PDZD8: variants seen among roughly 807,000 people sequenced by gnomAD.
The protein encoded by PDZD8 is PDZ domain-containing protein 8.
Under a neutral mutation model 85.8 loss-of-function variants are expected in PDZD8, and 14 were observed. The observed-to-expected ratio is 0.16, with a 90% CI of 0.11 to 0.26. The LOEUF is 0.26. Ranked by LOEUF, PDZD8 falls within the 10% of genes least tolerant of loss-of-function variation. The pLI is 1.00. For missense variants in PDZD8, 1,197 were observed against 1,424.3 expected, an observed-to-expected ratio of 0.84 and a Z score of 2.57; for synonymous variants, 592 against 568.6, an observed-to-expected ratio of 1.04 and a Z score of -0.59.
chr10:117,319,829 A>G (rs1844199220), intron 2 of PDZD8, among the ~76,000 whole-genome samples: 1 of 152,142 alleles, frequency 6.6e-6, no homozygotes, highest in Non-Finnish European at 1.5e-5. Context: ...TTGTTTCAGG[A>G]GTAAGCTTGA....
intron 2 of PDZD8, among the ~76,000 whole-genome samples, chr10:117,323,147 C>T (rs1415937521): frequency 1.3e-5 from 2 of 152,114 alleles, no homozygotes; most frequent in Non-Finnish European, 2.9e-5. Flanking sequence ...AGAACAAGAT[C>T]GTTCATCTAA....
intron 1 of PDZD8, among the ~76,000 whole-genome samples, chr10:117,343,168 T>C (rs1262033304): frequency 6.6e-6 from 1 of 152,164 alleles, no homozygotes. Context: ...AATAAACACT[T>C]AGAAAATATC....
chr10:117,280,521 T>C lies in PDZD8; in HGVS notation c.*2747A>G, dbSNP rs1447195607. 1.3e-5 allele frequency: 2 copies of C among 152,206 alleles called. No homozygotes were observed. The highest frequency in any genetic ancestry group is 6.5e-5 in the Admixed American group (1 of 15,280). 9.4% of individuals were successfully genotyped at this position (152,206 alleles called of 1,614,324 possible). On this transcript the variant is annotated 3_prime_UTR_variant, in exon 5 of 5. Coordinates refer to ENST00000334464, the MANE Select transcript of PDZD8 (RefSeq NM_173791.5). ...TTTCTGTGGTAGTCTTTATTATTAT[T>C]TTTTAGCTATTGATACATAGCATGG... is the stretch of plus-strand genomic sequence containing the variant.
At chr10:117,301,583 T>C (rs1025269864) in intron 3 of PDZD8, among the ~76,000 whole-genome samples, 4 of 152,190 alleles carry the variant, frequency 2.6e-5, no homozygotes, top group African/African-American at 9.7e-5. Context: ...CAACTCTGGC[T>C]ATTTCGGTAA....
At chr10:117,358,418 T>C (rs922298010) in intron 1 of PDZD8, among the ~76,000 whole-genome samples, 1 of 151,922 alleles carries the variant, frequency 6.6e-6, no homozygotes, top group Non-Finnish European at 1.5e-5. Context: ...AAAACCACAA[T>C]TACTTTTGCA....
At position 117,280,959 on chromosome 10, in the gene PDZD8, T is replaced by C. The variant is rs2133753870; in HGVS notation, c.*2309A>G. On this transcript the variant is annotated 3_prime_UTR_variant, in exon 5 of 5. Coordinates refer to ENST00000334464, the MANE Select transcript of PDZD8 (RefSeq NM_173791.5). ...CTTCCAGGTTATCAATGGTAAGTTA[T>C]TTTTTATAAAGTGGTTACACACTGA... 1 of 152,358 alleles carries C rather than the reference T, an allele frequency of 6.6e-6. No homozygotes were observed. Among genetic ancestry groups the C allele is most frequent in the African/African-American group, 2.4e-5 (1 of 41,584 alleles). The allele number at this position is 152,358 out of a possible 1,614,324, so 9.4% of individuals were successfully genotyped here. A position where few individuals can be genotyped will look rare whatever the true frequency, so the allele number is the denominator to read the frequency against.
intron 1 of PDZD8, among the ~76,000 whole-genome samples, chr10:117,363,592 C>T (rs1171995243): frequency 6.6e-6 from 1 of 152,074 alleles, no homozygotes; most frequent in Non-Finnish European, 1.5e-5. Flanking sequence ...GGTAACTTAT[C>T]AATGACCCAA....
At chr10:117,351,210 CACCAAAAGGCAT>C (rs775138137) in intron 1 of PDZD8, among the ~76,000 whole-genome samples, 19 of 152,260 alleles carry the variant, frequency 1.2e-4, no homozygotes, top group East Asian at 5.8e-4. Flanking sequence ...CACAAATGTT[CACCAAAAGGCAT>C]ATATAAGAAT....
At chr10:117,346,156 G>A (rs1378239196) in intron 1 of PDZD8, among the ~76,000 whole-genome samples, 2 of 149,206 alleles carry the variant, frequency 1.3e-5, no homozygotes, top group Admixed American at 1.4e-4. Context: ...CAGGAGAATC[G>A]CTTGAACCTG....
Position 117,338,506 on chromosome 10 carries a change from T to G in PDZD8, c.995+2474A>C, listed in dbSNP as rs73407967. On this transcript the variant is annotated intron_variant, in intron 2 of 4. Coordinates refer to ENST00000334464, the MANE Select transcript of PDZD8 (RefSeq NM_173791.5). ...TGTACTCTCTAAAAATACTGGACCT[T>G]AATTTTTGACCAGGTGATAAATAAA... 4.8e-3 allele frequency among the ~76,000 whole-genome samples: 724 copies of G among 152,282 alleles called. 11 individuals are homozygous for G. Among genetic ancestry groups the G allele is most frequent in the African/African-American group, 0.017 (696 of 41,552 alleles).
At chr10:117,364,364 T>C (rs74159196) in intron 1 of PDZD8, among the ~76,000 whole-genome samples, 2,065 of 152,194 alleles carry the variant, frequency 0.014, 46 homozygotes, top group African/African-American at 0.046. Context: ...ATAAATTATG[T>C]TTAAGAAACC....
At chr10:117,362,497 A>C (rs1008643085) in intron 1 of PDZD8, among the ~76,000 whole-genome samples, 1 of 152,226 alleles carries the variant, frequency 6.6e-6, no homozygotes, top group East Asian at 1.9e-4. Context: ...CTTTCAGGGC[A>C]AGAGGCCAAG....
rs145570947 is a variant in PDZD8 at position 117,332,032 on chromosome 10, T to C, written c.995+8948A>G. 1.2e-4 allele frequency among the ~76,000 whole-genome samples: 19 copies of C among 152,314 alleles called. No homozygotes were observed. In the East Asian group the frequency reaches 3.5e-3, roughly 28 times the overall value. ...AAACATCACTCAACTTTTATTTAAC[T>C]GCATATAAGATGTTAAATAATTAAT... is the stretch of plus-strand genomic sequence containing the variant. On this transcript the variant is annotated intron_variant, in intron 2 of 4. Coordinates refer to ENST00000334464, the MANE Select transcript of PDZD8 (RefSeq NM_173791.5).
At chr10:117,316,207 T>C (rs139672929) in intron 3 of PDZD8, among the ~76,000 whole-genome samples, 1 of 152,220 alleles carries the variant, frequency 6.6e-6, no homozygotes, top group Non-Finnish European at 1.5e-5. Flanking sequence ...TCCTATGAGC[T>C]CTTTTATTGT....
Position 117,284,732 on chromosome 10 carries a change from G to A in PDZD8, c.2001C>T (p.Cys667=). ...VAKDVTSETS[C]PTKDSSDDRQ... ...GGTCGTCCGAACTGTCCTTAGTAGG[G>A]CAGGAAGTTTCTGAAGTGACATCTT... is the stretch of plus-strand genomic sequence containing the variant. Residue 667 remains cysteine, a synonymous_variant, in exon 5 of 5, where the codon TGC becomes TGT. Transcript: ENST00000334464. 3.1e-6 allele frequency: 5 copies of A among 1,614,182 alleles called. No individual in the cohort carries two copies. The highest frequency in any genetic ancestry group is 2.5e-6 in the Non-Finnish European group (3 of 1,180,016).
At position 117,374,960 on chromosome 10, in the gene PDZD8, G is replaced by C. The variant is rs556655833; in HGVS notation, c.268C>G (p.Pro90Ala). 8.2e-5 allele frequency: 132 copies of C among 1,609,074 alleles called. 1 individual carries two copies. In the African/African-American group the frequency reaches 1.7e-3, roughly 20 times the overall value. Residue 90 changes from proline to alanine, a missense_variant, in exon 1 of 5, where the codon CCG becomes GCG. Pro to Ala is a conservative substitution (Grantham distance 27, BLOSUM62 -1). Transcript: ENST00000334464. This position sits in a 1 kb window ranked among gnomAD's most constrained non-coding sequence, Gnocchi z 7.8. ...AGGAAGTAGCAAGTCTCCCGCGTCG[G>C]CGGGGCGGGGGTCTCGGGGGCCGCG... The part of the protein sequence containing the change: ...PTAAPETPAP[P>A]TRETCYFLNA...
rs562218411 is a variant in PDZD8, at chr10:117,352,630, T to C, written c.873-11528A>G. ...GTTCAAAAAGGGAGGAGGGGAATAA[T>C]CCATGCTTTTTGTTACCTATGAGAG... is the stretch of plus-strand genomic sequence containing the variant. On this transcript the variant is annotated intron_variant, in intron 1 of 4. Transcript: ENST00000334464. 2.2e-4 allele frequency among the ~76,000 whole-genome samples: 34 copies of C among 152,318 alleles called. No homozygotes were observed. In the South Asian group the frequency reaches 6.6e-3, roughly 30 times the overall value.
chr10:117,374,305 C>T lies in PDZD8; in HGVS notation c.872+51G>A, dbSNP rs533667200. The T allele has an allele frequency of 1.6e-5, 25 of 1,594,310 alleles. No individual in the cohort carries two copies. Among genetic ancestry groups the T allele is most frequent in the Non-Finnish European group, 2.1e-5 (25 of 1,169,382 alleles). ...CCTTCCCAATCCACGCAGCGTCCCG[C>T]CCAGGCCCGGGTTCCCGGCAGCCAG... On this transcript the variant is annotated intron_variant, in intron 1 of 4. Transcript: ENST00000334464. The surrounding 1 kb of genome is among the most constrained non-coding windows in gnomAD (Gnocchi z 7.8).
chr10:117,375,027 C>T lies in PDZD8; in HGVS notation c.201G>A (p.Glu67=). 6.3e-7 allele frequency: 1 copy of T among 1,588,912 alleles called. No homozygotes were observed. Among genetic ancestry groups the T allele is most frequent in the African/African-American group, 1.3e-5 (1 of 74,394 alleles). The change falls in exon 1 of 5, where the codon GAG becomes GAA. Residue 67 remains glutamate (E), a synonymous_variant. Coordinates refer to ENST00000334464, the MANE Select transcript of PDZD8 (RefSeq NM_173791.5). ...REYLYGGGRD[E]EPSGAAPEGG... The stretch of plus-strand genomic sequence containing the variant: ...CCTCAGGGGCCGCTCCGGAGGGCTC[C>T]TCATCCCGGCCGCCGCCATAAAGGT...
Sources: gnomAD v4.1 joint callset for allele counts (sites outside exome capture counted in the v4.1 genomes callset) on GRCh38, gnomAD v4.1.1 for gene constraint, Gnocchi (gnomAD v3.1) non-coding constraint, MANE v1.5 for transcripts, NCBI Gene and HGNC (gene_info 2026-07-23, HGNC 2026-07-21) for gene names.